Variants in FRMPD1 observed in about 807,000 individuals in gnomAD.
FRMPD1 encodes FERM and PDZ domain containing 1.
FRMPD1 carries 76 observed loss-of-function variants against 117.8 expected under a neutral mutation model. The ratio of observed to expected loss-of-function variants is 0.65; its 90% CI spans 0.54 to 0.78. FRMPD1 has a LOEUF of 0.78. Ranked by LOEUF, FRMPD1 falls within the 30% of genes least tolerant of loss-of-function variation. The pLI is 0.00. For missense variants in FRMPD1, 1,786 were observed against 1,964.5 expected (o/e 0.91, Z 1.72); for synonymous variants, 783 against 770.4 (o/e 1.02, Z -0.27).
rs183176289 is a variant in FRMPD1 at position 37,679,577 on chromosome 9, A to G, written c.-4-13061A>G. Among the ~76,000 whole-genome samples, 604 of 152,320 alleles carry G rather than the reference A, an allele frequency of 4.0e-3. 8 individuals carry two copies. The highest frequency in any genetic ancestry group is 0.027 in the South Asian group (132 of 4,824). On this transcript the variant is annotated intron_variant, in intron 1 of 15. Transcript: ENST00000377765. ...AACCGCTAATCTCTTTTCTGTCTCTACAGAGTTCCCTACTGGACTTTCATA... is the reference window on the plus strand; with the variant it reads ...AACCGCTAATCTCTTTTCTGTCTCTGCAGAGTTCCCTACTGGACTTTCATA...
At chr9:37,733,432 C>G (rs2118407507) in intron 10 of FRMPD1, 41 bp from the exon 11 acceptor site, 1 of 1,599,734 alleles carries the variant, frequency 6.3e-7, no homozygotes, top group African/African-American at 1.3e-5. Flanking sequence ...GCCAAGTACC[C>G]TGTAGAAATG....
At chr9:37,682,662 A>T (rs1821769542) in intron 1 of FRMPD1, among the ~76,000 whole-genome samples, 1 of 151,998 alleles carries the variant, frequency 6.6e-6, no homozygotes. Flanking sequence ...CCTACCCTAG[A>T]CCTCCTGAAC....
the FRMPD1 span, among the ~76,000 whole-genome samples, chr9:37,619,940 C>A: frequency 6.6e-6 from 1 of 151,564 alleles, no homozygotes; most frequent in African/African-American, 2.4e-5. Flanking sequence ...AACCTGTATT[C>A]CCAGATTCAT....
the FRMPD1 span, among the ~76,000 whole-genome samples, chr9:37,631,330 G>A: frequency 1.3e-5 from 2 of 152,364 alleles, no homozygotes; most frequent in East Asian, 3.9e-4. Context: ...CAGCAGGATA[G>A]GCTGTGAAGC....
At chr9:37,614,093 GACATCACTCTA>G in the FRMPD1 span, among the ~76,000 whole-genome samples, 4 of 152,196 alleles carry the variant, frequency 2.6e-5, no homozygotes, top group Admixed American at 2.6e-4. Flanking sequence ...CCTCTCATAT[GACATCACTCTA>G]ACATAGGTAG....
chr9:37,732,240 A>C, intron 9 of FRMPD1, 64 bp from the exon 10 acceptor site: 2 of 1,566,544 alleles, frequency 1.3e-6, no homozygotes, highest in Non-Finnish European at 1.7e-6. Flanking sequence ...CTTTCACCCG[A>C]GAGAACGAGG....
At chr9:37,744,364 G>A (rs1024862194) in intron 15 of FRMPD1, 25 bp from the exon 16 acceptor site, 1 of 1,514,320 alleles carries the variant, frequency 6.6e-7, no homozygotes, top group African/African-American at 1.4e-5. Flanking sequence ...GCTTTTTAAT[G>A]TATTTTTTCT....
At chr9:37,633,431 T>C in the FRMPD1 span, among the ~76,000 whole-genome samples, 2 of 152,266 alleles carry the variant, frequency 1.3e-5, no homozygotes, top group Non-Finnish European at 2.9e-5. Flanking sequence ...ATGAGAAAGT[T>C]CTTTTTCTTA....
chr9:37,618,140 G>C, the FRMPD1 span, among the ~76,000 whole-genome samples: 1 of 152,200 alleles, frequency 6.6e-6, no homozygotes, highest in Non-Finnish European at 1.5e-5. Flanking sequence ...CCACATAACT[G>C]CCAGATAATG....
chr9:37,619,299 G>C, the FRMPD1 span, among the ~76,000 whole-genome samples: 1 of 152,116 alleles, frequency 6.6e-6, no homozygotes, highest in African/African-American at 2.4e-5. Flanking sequence ...GCCTATAACT[G>C]GAAAATACTT....
In FRMPD1 at chr9:37,733,612, C is replaced by T; in HGVS notation, c.1122+13C>T. On this transcript the variant is annotated intron_variant, in intron 11 of 15. Transcript: ENST00000377765. ...ACCCCGACAGAAGGTAATGAAGGTG[C>T]CTCTGCCGACCCACTCAGCTGTCGT... is the stretch of plus-strand genomic sequence containing the variant. 1 of 1,612,954 alleles carries T rather than the reference C, an allele frequency of 6.2e-7. No homozygotes were observed. The highest frequency in any genetic ancestry group is 8.5e-7 in the Non-Finnish European group (1 of 1,179,502).
intron 1 of FRMPD1, among the ~76,000 whole-genome samples, chr9:37,666,778 C>G (rs1288891264): frequency 6.6e-6 from 1 of 152,154 alleles, no homozygotes; most frequent in African/African-American, 2.4e-5. Context: ...AAGAGATGTG[C>G]AAGTACTCAA....
In FRMPD1 at chr9:37,732,437, T is replaced by C. The variant is rs755013767; in HGVS notation, c.992T>C (p.Ile331Thr). The C allele has an allele frequency of 5.0e-6, 8 of 1,600,138 alleles. No homozygotes were observed. Among genetic ancestry groups the C allele is most frequent in the South Asian group, 1.1e-5 (1 of 89,850 alleles). Reference protein sequence around the residue: ...AQPQKISLKYIEKDWGIENFI... With the variant: ...AQPQKISLKYTEKDWGIENFI... Reference sequence around the variant, plus strand: ...CCACAGAAGATCTCTTTAAAGTATATAGAGTGAGTGGCAGGGGATGGCAGC... The same window carrying C: ...CCACAGAAGATCTCTTTAAAGTATACAGAGTGAGTGGCAGGGGATGGCAGC... The change falls in exon 10 of 16, where the codon ATA becomes ACA. Residue 331 changes from isoleucine to threonine, a missense_variant. Physicochemically the swap from Ile to Thr is moderately conservative, Grantham distance 89 (BLOSUM62 -1). Transcript: ENST00000377765.
chr9:37,680,096 G>A lies in FRMPD1; in HGVS notation c.-4-12542G>A, dbSNP rs113838530. Among the ~76,000 whole-genome samples the A allele has an allele frequency of 2.4e-3, 363 of 152,294 alleles. 2 individuals carry two copies. Among genetic ancestry groups the A allele is most frequent in the African/African-American group, 8.3e-3 (347 of 41,560 alleles). ...GGGTCCCCATCCCCTCAGATCCCTA[G>A]CAAGAGAAAGGCACAGCCTGGATCC... On this transcript the variant is annotated intron_variant, in intron 1 of 15. Coordinates refer to ENST00000377765, the MANE Select transcript of FRMPD1 (RefSeq NM_014907.3).
rs1384501858 is a variant in FRMPD1 at position 37,735,620 on chromosome 9, T to C, written c.1287T>C (p.Asn429=). The change falls in exon 13 of 16, where the codon AAT becomes AAC. Residue 429 remains asparagine, a synonymous_variant. Transcript: ENST00000377765. ...AGTATGGGATTAGCCAGGTTATCAA[T>C]AGCAAACTCAACATCATGTCCACAT... ...GAKYGISQVI[N]SKLNIMSTLA... 6.2e-7 allele frequency: 1 copy of C among 1,613,766 alleles called. No individual in the cohort carries two copies. Among genetic ancestry groups the C allele is most frequent in the Non-Finnish European group, 8.5e-7 (1 of 1,179,766 alleles).
At chr9:37,650,208 GAC>G (rs1486062197), upstream of FRMPD1, among the ~76,000 whole-genome samples, 1 of 152,202 alleles carries the variant, frequency 6.6e-6, no homozygotes, top group East Asian at 1.9e-4. Flanking sequence ...ATAGTGCACA[GAC>G]ACATGCATTT....
rs770999915 is a variant in FRMPD1, at chr9:37,732,415, CAGA to C, written c.974_976del (p.Lys325del). On this transcript the variant is annotated inframe_deletion, in exon 10 of 16. Transcript: ENST00000377765. ...ACGGATCTACGCCTGTGCCCAGCCACAGAAGATCTCTTTAAAGTATATAGAGTG... is the reference window on the plus strand; with the variant it reads ...ACGGATCTACGCCTGTGCCCAGCCACAGATCTCTTTAAAGTATATAGAGTG... The C allele has an allele frequency of 2.5e-6, 4 of 1,613,438 alleles. No individual in the cohort carries two copies. The South Asian group carries it at 4.4e-5, about 18-fold the overall frequency.
the FRMPD1 span, among the ~76,000 whole-genome samples, chr9:37,642,996 G>A: frequency 3.9e-5 from 6 of 152,142 alleles, no homozygotes; most frequent in African/African-American, 1.4e-4. Context: ...GTATTTTTGA[G>A]TGTATCTCTC....
intron 7 of FRMPD1, among the ~76,000 whole-genome samples, chr9:37,725,582 G>A (rs534484073): frequency 6.6e-6 from 1 of 152,222 alleles, no homozygotes. Flanking sequence ...CTAAATGTGA[G>A]TTAGAAGAAG....
Sources: allele counts gnomAD v4.1 joint callset (sites outside exome capture counted in the v4.1 genomes callset), GRCh38; gene constraint gnomAD v4.1.1; transcripts MANE v1.5; gene names NCBI Gene and HGNC (gene_info 2026-07-23, HGNC 2026-07-21).